Variants in GALNT10 observed in about 807,000 individuals in gnomAD.
The protein encoded by GALNT10 is GalNAc transferase 10.
GALNT10 carries 41 observed loss-of-function variants against 75.0 expected under a neutral mutation model. The ratio of observed to expected loss-of-function variants is 0.55; its 90% confidence interval spans 0.43 to 0.71. GALNT10 has a LOEUF of 0.71. GALNT10 is among the 30% of genes least tolerant of loss of function. GALNT10 has a pLI of 0.00. For synonymous variants in GALNT10, 302 were observed against 313.0 expected (o/e 0.96, Z 0.37); for missense variants, 727 against 818.5 (o/e 0.89, Z 1.36).
At chr5:154,287,253 A>G (rs750031028) in intron 1 of GALNT10, among the ~76,000 whole-genome samples, 2 of 152,172 alleles carry the variant, frequency 1.3e-5, no homozygotes, top group African/African-American at 4.8e-5. Flanking sequence ...AGGCCCTCCA[A>G]TTCTGGTCCA....
At position 154,371,779 on chromosome 5, in the gene GALNT10, T is replaced by C. The variant is rs369871976; in HGVS notation, c.569-4498T>C. Among the ~76,000 whole-genome samples, 17 of 152,108 alleles carry C rather than the reference T, an allele frequency of 1.1e-4. No homozygotes were observed. In the South Asian group the frequency reaches 2.9e-3, roughly 26 times the overall value. The stretch of plus-strand genomic sequence containing the variant: ...TCCTTGCATTGGCTCTGAGGAGTCC[T>C]TGGGATAATCAAGTATTTCCTGAGA... On this transcript the variant is annotated intron_variant, in intron 4 of 11. Transcript: ENST00000297107.
chr5:154,248,093 T>C (rs1753458763), intron 1 of GALNT10, among the ~76,000 whole-genome samples: 1 of 152,248 alleles, frequency 6.6e-6, no homozygotes, highest in Non-Finnish European at 1.5e-5. Flanking sequence ...TCGTTGATTC[T>C]ATTTATATGC....
chr5:154,412,732 C>G lies in GALNT10; in HGVS notation c.1387-157C>G, dbSNP rs1193736124. ...CTGAGTCTTCCTTCATTGAGAGGCT[C>G]AAGGTACTTCCAACAGCCCAGGGCA... On this transcript the variant is annotated intron_variant, in intron 9 of 11. Transcript: ENST00000297107. This position sits in a 1 kb window ranked among gnomAD's most constrained non-coding sequence, Gnocchi z 4.2. 2 of 682,348 alleles carry G rather than the reference C, an allele frequency of 2.9e-6. No homozygotes were observed. Among genetic ancestry groups the G allele is most frequent in the African/African-American group, 3.5e-5 (2 of 56,930 alleles). 42.3% of individuals were successfully genotyped at this position (682,348 alleles called of 1,614,324 possible). A position where few individuals can be genotyped will look rare whatever the true frequency, so the allele number is the denominator to read the frequency against.
intron 1 of GALNT10, chr5:154,220,454 G>T (rs1304999868): frequency 2.0e-5 from 3 of 152,206 alleles, no homozygotes; most frequent in African/African-American, 7.2e-5. Context: ...AGGAAATTAT[G>T]TCTCAAGGGA....
chr5:154,393,078 A>AAAAC (rs1561680980), intron 7 of GALNT10: 3 of 139,672 alleles, frequency 2.1e-5, no homozygotes, highest in African/African-American at 7.8e-5. Flanking sequence ...AAAAAAAAAA[A>AAAAC]CCCATTTTTT....
intron 8 of GALNT10, among the ~76,000 whole-genome samples, chr5:154,405,522 A>G (rs888549855): frequency 1.3e-5 from 2 of 151,794 alleles, no homozygotes; most frequent in African/African-American, 4.8e-5. Context: ...CCATTTGGCG[A>G]TCCCTGAGGA....
rs187395841 is a variant in GALNT10 at position 154,278,040 on chromosome 5, A to G, written c.160-16776A>G. Among the ~76,000 whole-genome samples, 12 of 152,372 alleles carry G rather than the reference A, an allele frequency of 7.9e-5. No individual in the cohort carries two copies. The East Asian group carries it at 1.9e-3, about 24-fold the overall frequency. On this transcript the variant is annotated intron_variant, in intron 1 of 11. Coordinates refer to ENST00000297107, the MANE Select transcript of GALNT10 (RefSeq NM_198321.4). Reference sequence around the variant, plus strand: ...TTTAGGTGAATGGATAGATGGATGAATGGATGAATGAGTGGACCAGATGGG... The same window carrying G: ...TTTAGGTGAATGGATAGATGGATGAGTGGATGAATGAGTGGACCAGATGGG...
chr5:154,400,825 AG>A (rs1469786609), intron 7 of GALNT10, among the ~76,000 whole-genome samples: 1 of 152,076 alleles, frequency 6.6e-6, no homozygotes, highest in Non-Finnish European at 1.5e-5. Context: ...GAGTGGAATG[AG>A]GTGAGGGTGG....
intron 1 of GALNT10, among the ~76,000 whole-genome samples, chr5:154,234,072 T>G (rs1250295967): frequency 6.6e-6 from 1 of 152,216 alleles, no homozygotes; most frequent in Non-Finnish European, 1.5e-5. Context: ...TTACAACCAC[T>G]GTCTCTCTTC....
intron 1 of GALNT10, among the ~76,000 whole-genome samples, chr5:154,294,458 T>A (rs1036558752): frequency 7.2e-5 from 11 of 152,258 alleles, no homozygotes; most frequent in East Asian, 1.9e-4. Context: ...CCTACTTTTT[T>A]AAATGTGGAT....
At chr5:154,191,634 C>A (rs559648794) in intron 1 of GALNT10, among the ~76,000 whole-genome samples, 3 of 152,328 alleles carry the variant, frequency 2.0e-5, no homozygotes, top group Non-Finnish European at 4.4e-5. Context: ...ATCATGCTCC[C>A]TTTAAAGCTT....
chr5:154,293,613 A>ATATATATT, intron 1 of GALNT10, among the ~76,000 whole-genome samples: 1 of 109,360 alleles, frequency 9.1e-6, no homozygotes, highest in African/African-American at 4.2e-5. Flanking sequence ...ATATATATAT[A>ATATATATT]TTTTTTTTTT....
intron 1 of GALNT10, among the ~76,000 whole-genome samples, chr5:154,270,057 G>A (rs1425129684): frequency 2.0e-5 from 3 of 152,022 alleles, no homozygotes; most frequent in Non-Finnish European, 2.9e-5. Context: ...CTTGGCTGAG[G>A]TTCCTAATGG....
chr5:154,387,347 CT>C (rs1755822289), intron 7 of GALNT10: 1 of 152,228 alleles, frequency 6.6e-6, no homozygotes, highest in African/African-American at 2.4e-5. Context: ...GTCCCATGCC[CT>C]TGTGGCCTGT....
chr5:154,255,354 A>G (rs1753590712), intron 1 of GALNT10, among the ~76,000 whole-genome samples: 1 of 152,160 alleles, frequency 6.6e-6, no homozygotes, highest in Admixed American at 6.5e-5. Flanking sequence ...TGGCTCTTGG[A>G]TAAGCAATTG....
In GALNT10 at chr5:154,294,715, G is replaced by A. The variant is rs1754247486; in HGVS notation, c.160-101G>A. ...GTGGATAAAGGAACCCAGGATGACAGGCATTTGGTCAATACAAAGCTCCCT... is the reference window on the plus strand; with the variant it reads ...GTGGATAAAGGAACCCAGGATGACAAGCATTTGGTCAATACAAAGCTCCCT... On this transcript the variant is annotated intron_variant, in intron 1 of 11. Coordinates refer to ENST00000297107, the MANE Select transcript of GALNT10 (RefSeq NM_198321.4). 3 of 607,128 alleles carry A rather than the reference G, an allele frequency of 4.9e-6. No individual in the cohort carries two copies. In the African/African-American group the frequency reaches 5.6e-5, roughly 11 times the overall value. 37.6% of individuals were successfully genotyped at this position (607,128 alleles called of 1,614,324 possible).
At chr5:154,385,675 G>A (rs1014390537) in intron 6 of GALNT10, among the ~76,000 whole-genome samples, 2 of 152,136 alleles carry the variant, frequency 1.3e-5, no homozygotes, top group East Asian at 1.9e-4. Context: ...CCTCACAACT[G>A]GCATGGGATG....
chr5:154,285,552 G>A (rs1754098205), intron 1 of GALNT10, among the ~76,000 whole-genome samples: 1 of 152,012 alleles, frequency 6.6e-6, no homozygotes, highest in Non-Finnish European at 1.5e-5. Flanking sequence ...CAAGTTCTCA[G>A]GCTCTATTTC....
At chr5:154,221,412 G>T (rs1465139229) in intron 1 of GALNT10, among the ~76,000 whole-genome samples, 1 of 152,196 alleles carries the variant, frequency 6.6e-6, no homozygotes, top group South Asian at 2.1e-4. Context: ...CGCTCCGGGG[G>T]TTAGGGTGCC....
Sources: allele counts gnomAD v4.1 joint callset (sites outside exome capture counted in the v4.1 genomes callset), GRCh38; gene constraint gnomAD v4.1.1; non-coding constraint Gnocchi (gnomAD v3.1); transcripts MANE v1.5; gene names NCBI Gene and HGNC (gene_info 2026-07-23, HGNC 2026-07-21).